The following MRPS27 variants were observed in gnomAD, a reference collection of about 807,000 sequenced individuals.
MRPS27 encodes small ribosomal subunit protein mS27.
In MRPS27, 43 loss-of-function variants were observed where a neutral mutation model predicts 48.9. That is an observed-to-expected ratio of 0.88 (90% confidence interval 0.69 to 1.13). The LOEUF is 1.13. MRPS27 is among the 50% of genes most tolerant of loss of function. The pLI is 0.00. For missense variants in MRPS27, 467 were observed against 476.3 expected (o/e 0.98, Z 0.18); for synonymous variants, 188 against 171.9 (o/e 1.09, Z -0.73).
chr5:72,228,029 T>C, intron 8 of MRPS27: 1 of 541,002 alleles, frequency 1.8e-6, no homozygotes, highest in Non-Finnish European at 3.2e-6. Flanking sequence ...CTGAATATTA[T>C]TACCTATATC....
Position 72,278,734 on chromosome 5 carries a change from C to CT in MRPS27, c.281+16796dup, listed in dbSNP as rs763265911. On this transcript the variant is annotated intron_variant, in intron 4 of 10. Transcript: ENST00000261413. ...TCATATTATATGTACGATATTTCAC[C>CT]TTTTTTTTACTCATTATGTTTTGAG... Among the ~76,000 whole-genome samples the CT allele has an allele frequency of 2.4e-3, 370 of 151,826 alleles. 5 individuals carry two copies. Among genetic ancestry groups the CT allele is most frequent in the African/African-American group, 8.5e-3 (352 of 41,442 alleles).
At chr5:72,260,251 C>T (rs1221885881) in intron 4 of MRPS27, among the ~76,000 whole-genome samples, 5 of 152,172 alleles carry the variant, frequency 3.3e-5, no homozygotes, top group African/African-American at 1.2e-4. Flanking sequence ...TTCAAGAGTA[C>T]ACAAATATTT....
intron 5 of MRPS27, among the ~76,000 whole-genome samples, chr5:72,235,934 T>C (rs1226597734): frequency 6.6e-6 from 1 of 152,190 alleles, no homozygotes; most frequent in African/African-American, 2.4e-5. Context: ...TTGGTTGAAA[T>C]ACTATTCAGT....
At chr5:72,223,060 G>A (rs1174997791) in intron 10 of MRPS27, among the ~76,000 whole-genome samples, 1 of 152,190 alleles carries the variant, frequency 6.6e-6, no homozygotes, top group African/African-American at 2.4e-5. Context: ...GAAGCCAAGA[G>A]TTCAAACACT....
At chr5:72,243,529 A>T (rs190110504) in intron 4 of MRPS27, among the ~76,000 whole-genome samples, 30 of 152,340 alleles carry the variant, frequency 2.0e-4, no homozygotes, top group African/African-American at 6.3e-4. Context: ...TAATAAAAAC[A>T]TCAGTATTAT....
At chr5:72,237,624 C>T (rs550109905) in intron 5 of MRPS27, among the ~76,000 whole-genome samples, 18 of 152,176 alleles carry the variant, frequency 1.2e-4, no homozygotes, top group African/African-American at 4.3e-4. Context: ...TCCTAGAGGG[C>T]TCTCAGGCTT....
At chr5:72,310,269 G>A (rs548904879) in intron 2 of MRPS27, among the ~76,000 whole-genome samples, 1 of 152,250 alleles carries the variant, frequency 6.6e-6, no homozygotes, top group East Asian at 1.9e-4. Flanking sequence ...CTAGATCTTG[G>A]TTTCTAATGC....
chr5:72,255,246 T>C (rs1748769396), intron 4 of MRPS27, among the ~76,000 whole-genome samples: 1 of 151,996 alleles, frequency 6.6e-6, no homozygotes, highest in Non-Finnish European at 1.5e-5. Context: ...AGATAGGGTT[T>C]CTCCATGATG....
rs568065780 is a variant in MRPS27 at position 72,282,681 on chromosome 5, G to A, written c.281+12850C>T. 2.4e-4 allele frequency among the ~76,000 whole-genome samples: 36 copies of A among 152,158 alleles called. 2 individuals are homozygous for A. The South Asian group carries it at 7.5e-3, about 32-fold the overall frequency. On this transcript the variant is annotated intron_variant, in intron 4 of 10. Transcript: ENST00000261413. ...CTTTTAAATCTCATGTATATACAAG[G>A]CATCAAAAACATGTGGTTTGTGGGC...
chr5:72,294,025 A>G (rs192211871), intron 4 of MRPS27, among the ~76,000 whole-genome samples: 2 of 152,266 alleles, frequency 1.3e-5, no homozygotes, highest in East Asian at 3.9e-4. Context: ...CTCACAACTA[A>G]GATGACTTGC....
At chr5:72,295,804 T>C (rs1217232430) in intron 3 of MRPS27, among the ~76,000 whole-genome samples, 7 of 152,208 alleles carry the variant, frequency 4.6e-5, no homozygotes, top group African/African-American at 1.4e-4. Flanking sequence ...CTTCTCTTTT[T>C]CTATGTGTAG....
At chr5:72,308,566 G>T (rs1451986142) in intron 2 of MRPS27, among the ~76,000 whole-genome samples, 4 of 152,186 alleles carry the variant, frequency 2.6e-5, no homozygotes, top group Non-Finnish European at 5.9e-5. Context: ...GCGGGGCGGC[G>T]GATTCCCGCA....
At chr5:72,300,620 T>C (rs1750103178) in intron 2 of MRPS27, among the ~76,000 whole-genome samples, 1 of 152,326 alleles carries the variant, frequency 6.6e-6, no homozygotes, top group Middle Eastern at 3.4e-3. Flanking sequence ...AATGTAGGCA[T>C]CATCCTTGAC....
intron 4 of MRPS27, among the ~76,000 whole-genome samples, chr5:72,238,534 A>G (rs1283540772): frequency 6.6e-6 from 1 of 152,218 alleles, no homozygotes; most frequent in African/African-American, 2.4e-5. Flanking sequence ...AGGATAGCAC[A>G]GCAACTCTGT....
rs552924562 is a variant in MRPS27 at position 72,291,977 on chromosome 5, C to T, written c.281+3554G>A. On this transcript the variant is annotated intron_variant, in intron 4 of 10. Coordinates refer to ENST00000261413, the MANE Select transcript of MRPS27 (RefSeq NM_015084.3). ...AAGAGCACACCTATGCCTATTTTCC[C>T]AACCTCCCGGCTTAAACTATACATA... 3.9e-5 allele frequency among the ~76,000 whole-genome samples: 6 copies of T among 152,364 alleles called. No individual in the cohort carries two copies. In the East Asian group the frequency reaches 9.6e-4, roughly 24 times the overall value.
chr5:72,266,994 A>G (rs1184083324), intron 4 of MRPS27, among the ~76,000 whole-genome samples: 1 of 152,242 alleles, frequency 6.6e-6, no homozygotes, highest in African/African-American at 2.4e-5. Context: ...AGGGCTTCAG[A>G]GATGGCTATC....
At chr5:72,234,701 C>T (rs919145616) in intron 5 of MRPS27, among the ~76,000 whole-genome samples, 1 of 152,056 alleles carries the variant, frequency 6.6e-6, no homozygotes, top group Non-Finnish European at 1.5e-5. Flanking sequence ...CAACTGAATA[C>T]TTGAGAATTC....
chr5:72,313,199 A>T (rs1294548846), intron 2 of MRPS27, among the ~76,000 whole-genome samples: 1 of 152,156 alleles, frequency 6.6e-6, no homozygotes. Flanking sequence ...GAAAAGGATG[A>T]GATCTTTGAA....
intron 4 of MRPS27, among the ~76,000 whole-genome samples, chr5:72,273,840 G>T (rs1449680383): frequency 1.3e-5 from 2 of 152,090 alleles, no homozygotes; most frequent in African/African-American, 2.4e-5. Flanking sequence ...TTTATGGAAA[G>T]AAATTTCTCG....
Sources: allele counts gnomAD v4.1 joint callset (sites outside exome capture counted in the v4.1 genomes callset), GRCh38; gene constraint gnomAD v4.1.1; transcripts MANE v1.5; gene names NCBI Gene and HGNC (gene_info 2026-07-23, HGNC 2026-07-21).